The following TBC1D17 variants were observed in gnomAD, a reference collection of about 807,000 sequenced individuals.
TBC1D17 encodes TBC1 domain family member 17.
A neutral mutation model predicts 78.8 loss-of-function variants in TBC1D17; 69 were observed. The observed-to-expected ratio is 0.88, with a 90% confidence interval of 0.72 to 1.07. The LOEUF (loss-of-function observed/expected upper bound fraction) is 1.07. Ranked by LOEUF, TBC1D17 falls within the 50% of genes least tolerant of loss-of-function variation. TBC1D17 has a pLI of 0.00. For missense variants in TBC1D17, 957 were observed against 861.0 expected (o/e 1.11, Z -1.39); for synonymous variants, 456 against 358.3 (o/e 1.27, Z -3.08).
chr19:49,880,380 C>T lies in TBC1D17; in HGVS notation c.297C>T (p.Leu99=), dbSNP rs778571747. 4.3e-6 allele frequency: 7 copies of T among 1,613,778 alleles called. No homozygotes were observed. The African/African-American group carries it at 5.3e-5, about 12-fold the overall frequency. The change falls in exon 4 of 17, where the codon CTC becomes CTT. Residue 99 remains leucine (L), a synonymous_variant. Coordinates refer to ENST00000221543, the MANE Select transcript of TBC1D17 (RefSeq NM_024682.3). The part of the protein sequence containing the change: ...WAVISTVRPQ[L]CHSEPTRGAE... The stretch of plus-strand genomic sequence containing the variant: ...TCATCAGCACTGTGCGGCCACAGCT[C>T]TGCCACTCAGAGCCCACGAGAGGTA...
chr19:49,884,607 T>G (rs1600451199), intron 12 of TBC1D17, 48 bp downstream of exon 12: 1 of 1,613,586 alleles, frequency 6.2e-7, no homozygotes, highest in South Asian at 1.1e-5. Flanking sequence ...AGCGATCAGG[T>G]GTCCTGGTAC....
chr19:49,882,184 G>A (rs982357103), intron 6 of TBC1D17, 32 bp downstream of exon 6: 4 of 1,613,728 alleles, frequency 2.5e-6, no homozygotes, highest in Non-Finnish European at 3.4e-6. Flanking sequence ...CCTGGCGGGT[G>A]TGGGCAGGGA....
Position 49,888,520 on chromosome 19 carries a change from A to G in TBC1D17, c.1843A>G (p.Thr615Ala). The G allele has an allele frequency of 1.1e-6, 1 of 949,662 alleles. No homozygotes were observed. The highest frequency in any genetic ancestry group is 1.4e-6 in the Non-Finnish European group (1 of 731,120). 58.8% of individuals were successfully genotyped at this position (949,662 alleles called of 1,614,324 possible). The change falls in exon 17 of 17, where the codon ACC (threonine) becomes GCC (alanine). Residue 615 changes from threonine to alanine, a missense_variant. Transcript: ENST00000221543. The part of the protein sequence containing the change: ...PTASPLPLSP[T>A]RAPPTPPPST... The stretch of plus-strand genomic sequence containing the variant: ...CGCCTCCCCGCTGCCTCTGTCGCCC[A>G]CCCGGGCCCCGCCCACCCCGCCGCC...
chr19:49,882,879 G>T lies in TBC1D17; in HGVS notation c.914G>T (p.Arg305Leu). ...RLQQVPELKN[R>L]IFSGGLSPSL... ...CAGCAGGTCCCTGAGCTGAAGAACC[G>T]GATCTTCTCGGGGGTGAGTGCCAGG... The change falls in exon 8 of 17, where the codon CGG (arginine) becomes CTG (leucine). Residue 305 changes from arginine to leucine, a missense_variant. Transcript: ENST00000221543. The T allele has an allele frequency of 1.2e-6, 2 of 1,608,672 alleles. No individual in the cohort carries two copies. Among genetic ancestry groups the T allele is most frequent in the South Asian group, 1.1e-5 (1 of 90,748 alleles).
At chr19:49,878,647 C>T (rs1329317255) in intron 3 of TBC1D17, 75 bp downstream of exon 3, 3 of 1,422,048 alleles carry the variant, frequency 2.1e-6, no homozygotes, top group Admixed American at 3.4e-5. Flanking sequence ...ATTTGAGGGA[C>T]CTGCGTACAA....
At position 49,880,891 on chromosome 19, in the gene TBC1D17, G is replaced by A. The variant is rs959135692; in HGVS notation, c.320-377G>A. On this transcript the variant is annotated intron_variant, in intron 4 of 16. Coordinates refer to ENST00000221543, the MANE Select transcript of TBC1D17 (RefSeq NM_024682.3). ...CAGCCCGTGCAAGCCAGAGGCAGGC[G>A]GCCCCCGTGTGTTTAGGGAGCCGCT... Among the ~76,000 whole-genome samples the A allele has an allele frequency of 5.9e-5, 9 of 152,310 alleles. No individual in the cohort carries two copies. The East Asian group carries it at 9.7e-4, about 16-fold the overall frequency.
At position 49,878,292 on chromosome 19, in the gene TBC1D17, G is replaced by A. The variant is rs550963060; in HGVS notation, c.120+51G>A. The A allele has an allele frequency of 5.2e-5, 79 of 1,504,952 alleles. No individual in the cohort carries two copies. In the East Asian group the frequency reaches 1.7e-3, roughly 33 times the overall value. The allele number at this position is 1,504,952 out of a possible 1,614,324, so 93.2% of individuals were successfully genotyped here. ...GACCCGCTCCGAGCGGGATGCAGGC[G>A]GTCTGGGATGCAGGCGGCAGCTGTA... On this transcript the variant is annotated intron_variant, in intron 2 of 16. Coordinates refer to ENST00000221543, the MANE Select transcript of TBC1D17 (RefSeq NM_024682.3).
At chr19:49,884,622 CG>C (rs1568676964) in intron 12 of TBC1D17, 36 bp from the exon 13 acceptor site, 1 of 1,613,220 alleles carries the variant, frequency 6.2e-7, no homozygotes, top group South Asian at 1.1e-5. Context: ...TGGTACCTCA[CG>C]GGGTCTGCTC....
chr19:49,880,726 C>G (rs1316735483), intron 4 of TBC1D17, among the ~76,000 whole-genome samples: 1 of 152,248 alleles, frequency 6.6e-6, no homozygotes, highest in Non-Finnish European at 1.5e-5. Context: ...TTTGCACCAT[C>G]CTGGGGTCAC....
intron 7 of TBC1D17, 117 bp downstream of exon 7, chr19:49,882,517 C>T (rs2075024167): frequency 6.9e-7 from 1 of 1,458,992 alleles, no homozygotes; most frequent in Non-Finnish European, 9.1e-7. Flanking sequence ...ATGGGACACC[C>T]TCAGGGGGTG....
chr19:49,880,649 C>G (rs917477742), intron 4 of TBC1D17, among the ~76,000 whole-genome samples: 1 of 152,216 alleles, frequency 6.6e-6, no homozygotes, highest in African/African-American at 2.4e-5. Flanking sequence ...GCTGTGGGTG[C>G]TCCCACACCA....
Position 49,882,887 on chromosome 19 carries a change from T to C in TBC1D17, c.922T>C (p.Ser308Pro). Residue 308 changes from serine (S) to proline (P), a missense_variant, in exon 8 of 17, where the codon TCG (serine) becomes CCG (proline). Coordinates refer to ENST00000221543, the MANE Select transcript of TBC1D17 (RefSeq NM_024682.3). The part of the protein sequence containing the change: ...QVPELKNRIF[S>P]GGLSPSLRRE... ...CCCTGAGCTGAAGAACCGGATCTTCTCGGGGGTGAGTGCCAGGACAGGTGG... is the reference window on the plus strand; with the variant it reads ...CCCTGAGCTGAAGAACCGGATCTTCCCGGGGGTGAGTGCCAGGACAGGTGG... The C allele has an allele frequency of 1.9e-6, 3 of 1,606,798 alleles. No homozygotes were observed. Among genetic ancestry groups the C allele is most frequent in the Non-Finnish European group, 2.5e-6 (3 of 1,176,976 alleles).
Position 49,888,439 on chromosome 19 carries a change from G to C in TBC1D17, c.1762G>C (p.Val588Leu), listed in dbSNP as rs778035971. 2.6e-6 allele frequency: 4 copies of C among 1,530,798 alleles called. No individual in the cohort carries two copies. The Admixed American group carries it at 5.3e-5, about 20-fold the overall frequency. 94.8% of individuals were successfully genotyped at this position (1,530,798 alleles called of 1,614,324 possible). A position where few individuals can be genotyped will look rare whatever the true frequency, so the allele number is the denominator to read the frequency against. ...GTGCCTCCAGGAGCTGCCCCACAAC[G>C]TGCAGGAGATCCTGGGGCTGGCCCC... ...LTACPELPHN[V>L]QEILGLAPPA... Residue 588 changes from valine (V) to leucine (L), a missense_variant, in exon 17 of 17, where the codon GTG (valine) becomes CTG (leucine). Coordinates refer to ENST00000221543, the MANE Select transcript of TBC1D17 (RefSeq NM_024682.3).
At chr19:49,879,794 G>T (rs1358544430) in intron 3 of TBC1D17, among the ~76,000 whole-genome samples, 4 of 151,282 alleles carry the variant, frequency 2.6e-5, no homozygotes, top group Non-Finnish European at 5.9e-5. Context: ...TCAAGTCCTG[G>T]CTCGCTCTCT....
At chr19:49,887,071 A>C (rs2075064345) in intron 13 of TBC1D17, 1 of 244,902 alleles carries the variant, frequency 4.1e-6, no homozygotes, top group Non-Finnish European at 8.1e-6. Context: ...TCCTGACCTC[A>C]GGTGATCCAC....
Position 49,888,509 on chromosome 19 carries a change from C to T in TBC1D17, c.1832C>T (p.Pro611Leu), listed in dbSNP as rs376165198. 244 of 1,561,546 alleles carry T rather than the reference C, an allele frequency of 1.6e-4. 1 individual carries two copies. The African/African-American group carries it at 3.1e-3, about 20-fold the overall frequency. ...CCCTCGCCCACCGCCTCCCCGCTGCCTCTGTCGCCCACCCGGGCCCCGCCC... is the reference window on the plus strand; with the variant it reads ...CCCTCGCCCACCGCCTCCCCGCTGCTTCTGTCGCCCACCCGGGCCCCGCCC... ...HSPSPTASPL[P>L]LSPTRAPPTP... Residue 611 changes from proline (P) to leucine (L), a missense_variant, in exon 17 of 17, where the codon CCT becomes CTT. Pro to Leu is a moderately conservative substitution (Grantham distance 98). Transcript: ENST00000221543.
At chr19:49,883,124 T>A in intron 9 of TBC1D17, 48 bp downstream of exon 9, 2 of 1,532,768 alleles carry the variant, frequency 1.3e-6, no homozygotes, top group Non-Finnish European at 1.8e-6. Context: ...ACCTGGTACC[T>A]CCTAGGGCAC....
rs537177647 is a variant in TBC1D17, at chr19:49,883,251, C to T, written c.1031+175C>T. Among the ~76,000 whole-genome samples, 6 of 152,338 alleles carry T rather than the reference C, an allele frequency of 3.9e-5. No homozygotes were observed. In the East Asian group the frequency reaches 9.6e-4, roughly 24 times the overall value. ...CCATCCTCACCCCTGTATGGTCTGT[C>T]TCCATTGCAGTTTTCATTCCTGTGC... On this transcript the variant is annotated intron_variant, in intron 9 of 16. Coordinates refer to ENST00000221543, the MANE Select transcript of TBC1D17 (RefSeq NM_024682.3).
At chr19:49,887,663 C>G (rs1005426035) in intron 14 of TBC1D17, 55 bp from the exon 15 acceptor site, 1 of 1,608,594 alleles carries the variant, frequency 6.2e-7, no homozygotes, top group Non-Finnish European at 8.5e-7. Context: ...CTGGTGGGAC[C>G]TCAGGCCCAG....
Sources: gnomAD v4.1 joint callset for allele counts (sites outside exome capture counted in the v4.1 genomes callset) on GRCh38, gnomAD v4.1.1 for gene constraint, MANE v1.5 for transcripts, NCBI Gene and HGNC (gene_info 2026-07-23, HGNC 2026-07-21) for gene names.